CENPP: variants seen among roughly 807,000 people sequenced by gnomAD.
The protein encoded by CENPP is centromere protein P.
In CENPP, 24 loss-of-function variants were observed where a neutral mutation model predicts 35.6. The ratio of observed to expected loss-of-function variants is 0.67; its 90% CI spans 0.49 to 0.95. The LOEUF (loss-of-function observed/expected upper bound fraction) is 0.95, where lower values mean the gene tolerates loss of function less well. Ranked by LOEUF, CENPP falls within the 40% of genes least tolerant of loss-of-function variation. CENPP has a pLI of 0.00. For missense variants in CENPP, 332 were observed against 345.3 expected (o/e 0.96, Z 0.31); for synonymous variants, 120 against 125.5 (o/e 0.96, Z 0.29).
Position 92,614,606 on chromosome 9 carries a change from C to G in CENPP, c.*1457C>G, listed in dbSNP as rs1184318213. On this transcript the variant is annotated 3_prime_UTR_variant, in exon 8 of 8. Transcript: ENST00000375587. ...TCTCAAGTTATCACAAAATTTCCCA[C>G]AAAAATTTACAATCAGCAAAATAGT... 1 of 152,628 alleles carries G rather than the reference C, an allele frequency of 6.6e-6. No homozygotes were observed. Among genetic ancestry groups the G allele is most frequent in the Non-Finnish European group, 1.5e-5 (1 of 68,038 alleles). 9.5% of individuals were successfully genotyped at this position (152,628 alleles called of 1,614,324 possible).
chr9:92,615,872 T>G lies in CENPP; in HGVS notation c.*2723T>G. ...AACTAATGTGCAATCTTCGCTTTCCTTGAACCGAGTCGACATCACGGCGTT... is the reference window on the plus strand; with the variant it reads ...AACTAATGTGCAATCTTCGCTTTCCGTGAACCGAGTCGACATCACGGCGTT... On this transcript the variant is annotated 3_prime_UTR_variant, in exon 8 of 8. Coordinates refer to ENST00000375587, the MANE Select transcript of CENPP (RefSeq NM_001012267.3). 6.2e-7 allele frequency: 1 copy of G among 1,614,186 alleles called. No homozygotes were observed. The highest frequency in any genetic ancestry group is 8.5e-7 in the Non-Finnish European group (1 of 1,180,008).
intron 4 of CENPP, among the ~76,000 whole-genome samples, chr9:92,370,704 ACTCCTGTCCTCAGGTGATCCACCTGC>A (rs1267883137): frequency 1.3e-5 from 2 of 151,208 alleles, no homozygotes; most frequent in African/African-American, 4.9e-5. Flanking sequence ...CTGGTCTTGA[ACTCCTGTCCTCAGGTGATCCACCTGC>A]CTCAGCCTGC....
intron 5 of CENPP, among the ~76,000 whole-genome samples, chr9:92,525,994 ATACTT>A (rs1351285982): frequency 6.6e-6 from 1 of 151,846 alleles, no homozygotes; most frequent in Non-Finnish European, 1.5e-5. Flanking sequence ...TTACTATACT[ATACTT>A]TTTATCATTG....
chr9:92,379,731 T>C, intron 4 of CENPP, 32 bp from the exon 5 acceptor site: 1 of 1,447,772 alleles, frequency 6.9e-7, no homozygotes, highest in Non-Finnish European at 9.7e-7. Flanking sequence ...TTTAATGATA[T>C]TTATTAATCA....
At chr9:92,413,565 T>C (rs987063121) in intron 5 of CENPP, among the ~76,000 whole-genome samples, 5 of 152,246 alleles carry the variant, frequency 3.3e-5, no homozygotes, top group Non-Finnish European at 5.9e-5. Flanking sequence ...GTATTAACTC[T>C]TAATGTTTGA....
intron 5 of CENPP, among the ~76,000 whole-genome samples, chr9:92,508,173 C>G: frequency 6.6e-6 from 1 of 152,182 alleles, no homozygotes; most frequent in East Asian, 1.9e-4. Flanking sequence ...CATCAGGACT[C>G]CCAGCCAGGG....
chr9:92,549,133 G>A (rs541103032), intron 5 of CENPP, among the ~76,000 whole-genome samples: 4 of 152,284 alleles, frequency 2.6e-5, no homozygotes, highest in Admixed American at 2.6e-4. Context: ...AAGGAACTGC[G>A]GAGGGAGACA....
At chr9:92,540,555 A>C (rs1366137942) in intron 5 of CENPP, among the ~76,000 whole-genome samples, 4 of 151,880 alleles carry the variant, frequency 2.6e-5, no homozygotes, top group Non-Finnish European at 5.9e-5. Context: ...GGTGGATCAC[A>C]AGGTTAGGAG....
chr9:92,396,741 A>G (rs1174471439), intron 5 of CENPP, among the ~76,000 whole-genome samples: 1 of 151,752 alleles, frequency 6.6e-6, no homozygotes, highest in Non-Finnish European at 1.5e-5. Flanking sequence ...TTTCTTGGTT[A>G]AATTTTTTGT....
chr9:92,387,821 T>A (rs377277144), intron 5 of CENPP, among the ~76,000 whole-genome samples: 2 of 152,096 alleles, frequency 1.3e-5, no homozygotes, highest in African/African-American at 4.8e-5. Context: ...TGTAGTGCAG[T>A]GTCATGATCT....
At chr9:92,507,364 T>C (rs903706452) in intron 5 of CENPP, among the ~76,000 whole-genome samples, 4 of 152,182 alleles carry the variant, frequency 2.6e-5, no homozygotes, top group African/African-American at 7.2e-5. Flanking sequence ...AAGTTTTTCA[T>C]TGAAAAATAG....
At position 92,475,919 on chromosome 9, in the gene CENPP, C is replaced by G. The variant is rs557331353; in HGVS notation, c.564+96060C>G. The stretch of plus-strand genomic sequence containing the variant: ...CAAAACAGAACTATACAAATGAGAA[C>G]CTTCAGAGCATAGATTTATTGCCAT... On this transcript the variant is annotated intron_variant, in intron 5 of 7. Coordinates refer to ENST00000375587, the MANE Select transcript of CENPP (RefSeq NM_001012267.3). Among the ~76,000 whole-genome samples, 6 of 152,266 alleles carry G rather than the reference C, an allele frequency of 3.9e-5. No individual in the cohort carries two copies. In the South Asian group the frequency reaches 8.3e-4, roughly 21 times the overall value.
chr9:92,489,046 C>G (rs1174837868), intron 5 of CENPP, among the ~76,000 whole-genome samples: 1 of 152,172 alleles, frequency 6.6e-6, no homozygotes, highest in African/African-American at 2.4e-5. Context: ...AGTTGTATCA[C>G]CACTAAAGTT....
intron 5 of CENPP, chr9:92,384,241 A>G (rs918824850): frequency 6.6e-5 from 10 of 152,196 alleles, no homozygotes; most frequent in Non-Finnish European, 1.0e-4. Flanking sequence ...GAAAAATGTT[A>G]TCTTGAGGTC....
intron 5 of CENPP, among the ~76,000 whole-genome samples, chr9:92,567,369 GATAGATAT>G (rs1554688218): frequency 1.4e-4 from 15 of 104,096 alleles, no homozygotes; most frequent in Non-Finnish European, 2.0e-4. Context: ...AGTTACATAA[GATAGATAT>G]ATATATATAT....
intron 5 of CENPP, among the ~76,000 whole-genome samples, chr9:92,447,080 C>G (rs1844570934): frequency 1.3e-5 from 2 of 152,028 alleles, no homozygotes; most frequent in South Asian, 4.2e-4. Flanking sequence ...AACTTTTCCT[C>G]TTTAACATAG....
chr9:92,406,874 G>A (rs1843321586), intron 5 of CENPP, among the ~76,000 whole-genome samples: 1 of 152,054 alleles, frequency 6.6e-6, no homozygotes. Flanking sequence ...TGGCAAGATG[G>A]GTATTACCCG....
At chr9:92,497,720 T>G (rs1005916530) in intron 5 of CENPP, among the ~76,000 whole-genome samples, 1 of 151,576 alleles carries the variant, frequency 6.6e-6, no homozygotes, top group Non-Finnish European at 1.5e-5. Context: ...CCAAATCTCA[T>G]GTTGAAATTT....
At chr9:92,464,042 C>T (rs987618348) in intron 5 of CENPP, among the ~76,000 whole-genome samples, 3 of 152,290 alleles carry the variant, frequency 2.0e-5, no homozygotes, top group East Asian at 1.9e-4. Flanking sequence ...GCTGCTTTAA[C>T]TCATGGATAC....
Sources: gnomAD v4.1 joint callset for allele counts (sites outside exome capture counted in the v4.1 genomes callset) on GRCh38, gnomAD v4.1.1 for gene constraint, MANE v1.5 for transcripts, NCBI Gene and HGNC (gene_info 2026-07-23, HGNC 2026-07-21) for gene names.